Variants in DIXDC1 observed in about 807,000 individuals in gnomAD.
DIXDC1 encodes the protein dixin.
In DIXDC1, 64 loss-of-function variants were observed where a neutral mutation model predicts 103.1. That is an observed-to-expected ratio of 0.62 (90% CI 0.51 to 0.76). The LOEUF is 0.76. Ranked by LOEUF, DIXDC1 falls within the 30% of genes least tolerant of loss-of-function variation. DIXDC1 has a pLI of 0.00. For synonymous variants in DIXDC1, 266 were observed against 298.5 expected, an observed-to-expected ratio of 0.89 and a Z score of 1.12; for missense variants, 759 against 834.2, an observed-to-expected ratio of 0.91 and a Z score of 1.11.
At chr11:111,945,549 T>G (rs1555169272) in intron 1 of DIXDC1, 1 of 152,254 alleles carries the variant, frequency 6.6e-6, no homozygotes, top group East Asian at 1.9e-4. Context: ...AGCTGGAATC[T>G]GATCATTCCT....
Position 111,966,625 on chromosome 11 carries a change from G to C in DIXDC1, c.191-1888G>C, listed in dbSNP as rs1055748328. Among the ~76,000 whole-genome samples, 79 of 152,060 alleles carry C rather than the reference G, an allele frequency of 5.2e-4. 1 individual carries two copies. The highest frequency in any genetic ancestry group is 3.4e-3 in the Middle Eastern group (1 of 294). ...TCACCTTGTTGGCCAGGATGGTCTCGATCTCTTGACCTCGTGATCTGCCTG... is the reference window on the plus strand; with the variant it reads ...TCACCTTGTTGGCCAGGATGGTCTCCATCTCTTGACCTCGTGATCTGCCTG... On this transcript the variant is annotated intron_variant, in intron 2 of 19. Transcript: ENST00000440460.
At chr11:111,968,002 C>G (rs587622986) in intron 2 of DIXDC1, among the ~76,000 whole-genome samples, 1 of 152,352 alleles carries the variant, frequency 6.6e-6, no homozygotes, top group South Asian at 2.1e-4. Context: ...GCTTCCTCCT[C>G]AAATCTTAAC....
intron 17 of DIXDC1, among the ~76,000 whole-genome samples, chr11:112,011,253 G>GA (rs1320720384): frequency 1.3e-5 from 2 of 152,188 alleles, no homozygotes; most frequent in Non-Finnish European, 2.9e-5. Context: ...ACCACAATGA[G>GA]ATACCATCTC....
intron 5 of DIXDC1, among the ~76,000 whole-genome samples, chr11:111,979,445 GGGGGCTGGGCCCGGA>G (rs1860226052): frequency 6.6e-6 from 1 of 152,204 alleles, no homozygotes; most frequent in Non-Finnish European, 1.5e-5. Context: ...ATTCCTGAGA[GGGGGCTGGGCCCGGA>G]GACCCCTCAG....
At position 111,937,378 on chromosome 11, in the gene DIXDC1, T is replaced by C. The variant is rs927240083; in HGVS notation, c.-122T>C. On this transcript the variant is annotated 5_prime_UTR_variant, in exon 1 of 20. The change abolishes an upstream ATG in the 5' untranslated region. Transcript: ENST00000440460. ...CAGTCTAGGTTTCCAGTAAGTGGCATGCGGGACTCCGGAGGGATCCCAATG... is the reference window on the plus strand; with the variant it reads ...CAGTCTAGGTTTCCAGTAAGTGGCACGCGGGACTCCGGAGGGATCCCAATG... 47 of 1,459,314 alleles carry C rather than the reference T, an allele frequency of 3.2e-5. No homozygotes were observed. Among genetic ancestry groups the C allele is most frequent in the African/African-American group, 4.3e-5 (3 of 69,422 alleles). The allele number at this position is 1,459,314 out of a possible 1,614,324, so 90.4% of individuals were successfully genotyped here.
At chr11:111,950,474 A>T (rs369292807) in intron 1 of DIXDC1, among the ~76,000 whole-genome samples, 3 of 37,388 alleles carry the variant, frequency 8.0e-5, no homozygotes, top group African/African-American at 7.0e-5. Flanking sequence ...TTTTTTTTTG[A>T]GACAGAGTTT....
upstream of DIXDC1, chr11:111,937,191 G>A: frequency 2.8e-6 from 3 of 1,066,222 alleles, no homozygotes; most frequent in Non-Finnish European, 3.4e-6. Context: ...AGCCCGCCTG[G>A]CCGTGCGGCT....
intron 9 of DIXDC1, 87 bp from the exon 10 acceptor site, chr11:111,988,918 G>A (rs1479896542): frequency 3.4e-6 from 4 of 1,182,072 alleles, no homozygotes; most frequent in Admixed American, 4.5e-5. Context: ...GATCAACTGG[G>A]TTTTGTCCTC....
intron 17 of DIXDC1, among the ~76,000 whole-genome samples, chr11:112,016,284 G>A (rs1359174804): frequency 1.3e-5 from 2 of 151,984 alleles, no homozygotes; most frequent in Non-Finnish European, 2.9e-5. Context: ...TGTTCCTATC[G>A]GTTTTTCTTT....
At chr11:112,013,321 T>TTG (rs1555177391) in intron 17 of DIXDC1, among the ~76,000 whole-genome samples, 21 of 35,730 alleles carry the variant, frequency 5.9e-4, no homozygotes, top group African/African-American at 2.1e-3. Flanking sequence ...GGTCGGGGGG[T>TTG]GGGGGTGGGG....
intron 10 of DIXDC1, among the ~76,000 whole-genome samples, chr11:111,992,067 GT>G (rs2137578016): frequency 6.6e-6 from 1 of 152,296 alleles, no homozygotes; most frequent in East Asian, 1.9e-4. Flanking sequence ...TAAGTGGTAG[GT>G]TTATAATTTG....
At chr11:112,018,051 G>T (rs1417343740) in intron 19 of DIXDC1, among the ~76,000 whole-genome samples, 166 bp downstream of exon 19, 2 of 152,210 alleles carry the variant, frequency 1.3e-5, no homozygotes, top group Admixed American at 1.3e-4. Flanking sequence ...AGTGGTCATA[G>T]AATAGTCCAA....
At chr11:112,010,243 C>A (rs1359931559) in intron 17 of DIXDC1, among the ~76,000 whole-genome samples, 1 of 152,146 alleles carries the variant, frequency 6.6e-6, no homozygotes, top group East Asian at 1.9e-4. Context: ...ATCCAACTTA[C>A]AAGGGATGTG....
intron 17 of DIXDC1, among the ~76,000 whole-genome samples, chr11:112,005,691 C>A (rs781915588): frequency 3.3e-5 from 5 of 152,252 alleles, no homozygotes; most frequent in Non-Finnish European, 7.4e-5. Flanking sequence ...GGGTGACAGA[C>A]AGAGTGAGAC....
rs1859449165 is a variant in DIXDC1 at position 111,958,129 on chromosome 11, A to G, written c.61-6420A>G. Among the ~76,000 whole-genome samples, 1 of 150,196 alleles carries G rather than the reference A, an allele frequency of 6.7e-6. No homozygotes were observed. The highest frequency in any genetic ancestry group is 2.1e-4 in the South Asian group (1 of 4,730). On this transcript the variant is annotated intron_variant, in intron 1 of 19. Coordinates refer to ENST00000440460, the MANE Select transcript of DIXDC1 (RefSeq NM_001037954.4). The surrounding 1 kb of genome is among the most constrained non-coding windows in gnomAD (Gnocchi z 4.2). The stretch of plus-strand genomic sequence containing the variant: ...TCCTGGGCGCAGCTGCAGTCACCAG[A>G]GCCCTAGCTGTGGACCCAGGCATCC...
upstream of DIXDC1, among the ~76,000 whole-genome samples, chr11:111,933,409 A>G (rs1167820666): frequency 1.3e-5 from 2 of 152,150 alleles, no homozygotes; most frequent in Admixed American, 6.5e-5. Context: ...TACTGGGATT[A>G]CAGGCGTGAG....
rs587601302 is a variant in DIXDC1, at chr11:111,993,497, A to C, written c.1274A>C (p.Lys425Thr). 11 of 1,614,010 alleles carry C rather than the reference A, an allele frequency of 6.8e-6. No homozygotes were observed. The African/African-American group carries it at 1.5e-4, about 22-fold the overall frequency. Residue 425 changes from lysine to threonine, a missense_variant and splice_region_variant, in exon 13 of 20, where the codon AAA (lysine) becomes ACA (threonine). Transcript: ENST00000440460. Reference protein sequence around the residue: ...ERNRLLGEYKKELGQKDRLLQ... With the variant: ...ERNRLLGEYKTELGQKDRLLQ... Reference sequence around the variant, plus strand: ...CTTAAAGCTCTATCTTTATTGCAGAAAGAGCTGGGGCAGAAGGATCGCCTT... The same window carrying C: ...CTTAAAGCTCTATCTTTATTGCAGACAGAGCTGGGGCAGAAGGATCGCCTT...
At position 112,005,234 on chromosome 11, in the gene DIXDC1, A is replaced by G. The variant is rs1555176476; in HGVS notation, c.1756+9088A>G. ...GTAAAAAGATGGATAAAGATATACC[A>G]TGGAAACACTAATCAAAAGGAAGTG... is the stretch of plus-strand genomic sequence containing the variant. On this transcript the variant is annotated intron_variant, in intron 17 of 19. Transcript: ENST00000440460. Among the ~76,000 whole-genome samples, 3 of 152,232 alleles carry G rather than the reference A, an allele frequency of 2.0e-5. No individual in the cohort carries two copies. In the South Asian group the frequency reaches 6.2e-4, roughly 31 times the overall value.
In DIXDC1 at chr11:112,012,161, C is replaced by T. The variant is rs184506860; in HGVS notation, c.1757-4530C>T. Among the ~76,000 whole-genome samples the T allele has an allele frequency of 9.2e-5, 14 of 152,250 alleles. No homozygotes were observed. In the East Asian group the frequency reaches 2.7e-3, roughly 29 times the overall value. ...AATGATCTATAGCTTCAATGCAGTT[C>T]CAGTGAAAATCCTACCAGGCTTTTG... On this transcript the variant is annotated intron_variant, in intron 17 of 19. Transcript: ENST00000440460.
Sources: gnomAD v4.1 joint callset for allele counts (sites outside exome capture counted in the v4.1 genomes callset) on GRCh38, gnomAD v4.1.1 for gene constraint, Gnocchi (gnomAD v3.1) non-coding constraint, MANE v1.5 for transcripts, NCBI Gene and HGNC (gene_info 2026-07-23, HGNC 2026-07-21) for gene names.